GABRB1: variants seen among roughly 807,000 people sequenced by gnomAD.
GABRB1 encodes gamma-aminobutyric acid type A receptor subunit beta1.
Under a neutral mutation model 51.6 loss-of-function variants are expected in GABRB1, and 17 were observed. The observed-to-expected ratio is 0.33, with a 90% CI of 0.23 to 0.49. The LOEUF (loss-of-function observed/expected upper bound fraction) is 0.49, where lower values mean the gene tolerates loss of function less well. Ranked by LOEUF, GABRB1 falls within the 20% of genes least tolerant of loss-of-function variation. The pLI, the probability that GABRB1 is intolerant of heterozygous loss-of-function variation, is 0.99. For synonymous variants in GABRB1, 247 were observed against 218.9 expected (o/e 1.13, Z -1.14); for missense variants, 410 against 600.6 (o/e 0.68, Z 3.32).
chr4:47,263,389 T>C (rs1001613985), intron 4 of GABRB1, among the ~76,000 whole-genome samples: 1 of 151,908 alleles, frequency 6.6e-6, no homozygotes, highest in Admixed American at 6.6e-5. Context: ...TAAATATGAC[T>C]AGGGGAGAAG....
At chr4:47,334,662 A>G (rs1302477814) in intron 5 of GABRB1, among the ~76,000 whole-genome samples, 2 of 152,202 alleles carry the variant, frequency 1.3e-5, no homozygotes, top group African/African-American at 4.8e-5. Context: ...CAGAAACTAG[A>G]GATTTTTTAG....
intron 3 of GABRB1, among the ~76,000 whole-genome samples, chr4:47,131,837 T>C (rs1483208230): frequency 2.0e-5 from 3 of 152,184 alleles, no homozygotes; most frequent in Non-Finnish European, 4.4e-5. Flanking sequence ...TTCTTTCTAA[T>C]TGACAAGTAA....
At chr4:47,200,200 T>C (rs2109795726) in intron 4 of GABRB1, among the ~76,000 whole-genome samples, 1 of 152,178 alleles carries the variant, frequency 6.6e-6, no homozygotes, top group Non-Finnish European at 1.5e-5. Flanking sequence ...GGTCAAAACG[T>C]TGTTGGAATT....
chr4:47,125,951 T>A (rs1224614688), intron 3 of GABRB1, among the ~76,000 whole-genome samples: 1 of 149,654 alleles, frequency 6.7e-6, no homozygotes, highest in Non-Finnish European at 1.5e-5. Flanking sequence ...AATATATATA[T>A]AAATATATAT....
intron 3 of GABRB1, among the ~76,000 whole-genome samples, chr4:47,150,646 T>TAC (rs142996228): frequency 0.69 from 102,273 of 149,030 alleles, 35,346 homozygotes; most frequent in Middle Eastern, 0.83. Context: ...GCCACATATA[T>TAC]ATACACACAC....
At chr4:47,304,178 C>A (rs539839381) in intron 4 of GABRB1, among the ~76,000 whole-genome samples, 1 of 152,084 alleles carries the variant, frequency 6.6e-6, no homozygotes, top group Admixed American at 6.6e-5. Context: ...ATTGCAGGAT[C>A]ATATGGTAGT....
intron 4 of GABRB1, among the ~76,000 whole-genome samples, chr4:47,266,930 A>G (rs553513451): frequency 2.6e-5 from 4 of 152,108 alleles, no homozygotes; most frequent in African/African-American, 7.2e-5. Context: ...TCACAGGTCT[A>G]GTAGTGTTTA....
intron 3 of GABRB1, among the ~76,000 whole-genome samples, chr4:47,126,041 T>G (rs1455132796): frequency 1.3e-5 from 2 of 151,672 alleles, no homozygotes; most frequent in Non-Finnish European, 2.9e-5. Flanking sequence ...CACATATATA[T>G]GTATGTGTAT....
intron 5 of GABRB1, among the ~76,000 whole-genome samples, chr4:47,358,132 A>G (rs1726655681): frequency 1.3e-5 from 2 of 152,090 alleles, no homozygotes; most frequent in Non-Finnish European, 2.9e-5. Flanking sequence ...CTAACATTGA[A>G]CTCAGCAGTG....
chr4:47,160,886 A>T (rs1486218306), intron 3 of GABRB1, among the ~76,000 whole-genome samples: 1 of 152,004 alleles, frequency 6.6e-6, no homozygotes, highest in Non-Finnish European at 1.5e-5. Context: ...TCCTGGGCAC[A>T]AGAGATCCTG....
chr4:47,295,777 G>A (rs560921981), intron 4 of GABRB1, among the ~76,000 whole-genome samples: 7 of 152,214 alleles, frequency 4.6e-5, no homozygotes, highest in South Asian at 2.1e-4. Context: ...GATACTCCTC[G>A]AGAAGAGCAA....
At chr4:47,358,399 A>G (rs900631839) in intron 5 of GABRB1, among the ~76,000 whole-genome samples, 1 of 151,646 alleles carries the variant, frequency 6.6e-6, no homozygotes, top group Non-Finnish European at 1.5e-5. Flanking sequence ...GTATATATAT[A>G]TATATAGAGA....
chr4:47,048,825 A>C (rs186090667), intron 3 of GABRB1, among the ~76,000 whole-genome samples: 230 of 152,224 alleles, frequency 1.5e-3, no homozygotes, highest in Non-Finnish European at 2.3e-3. Context: ...TTATCCAACA[A>C]TAATTTCTTT....
At chr4:47,355,459 G>T (rs749666884) in intron 5 of GABRB1, among the ~76,000 whole-genome samples, 12 of 152,088 alleles carry the variant, frequency 7.9e-5, no homozygotes, top group East Asian at 1.9e-4. Flanking sequence ...TCAGAATGAA[G>T]GGACTCAGTT....
chr4:47,031,712 A>G lies in GABRB1; in HGVS notation c.61A>G (p.Met21Val), dbSNP rs1006750775. The G allele has an allele frequency of 1.9e-6, 3 of 1,613,590 alleles. No homozygotes were observed. The highest frequency in any genetic ancestry group is 1.7e-5 in the Admixed American group (1 of 60,014). ...GLLSFPVMIT[M>V]VCCAHSTNEP... ...TCTCTCTTTCCCTGTGATGATTACC[A>G]TGGTCTGTTGTGCACACAGGTGAGC... is the stretch of plus-strand genomic sequence containing the variant. The change falls in exon 1 of 9, where the codon ATG (methionine) becomes GTG (valine). Residue 21 changes from methionine (M) to valine (V), a missense_variant. Met to Val is a conservative substitution (Grantham distance 21). Around this residue, in one of 5 missense-constraint regions of GABRB1, gnomAD observed 56 missense variants for 54.8 expected, o/e 1.02. Coordinates refer to ENST00000295454, the MANE Select transcript of GABRB1 (RefSeq NM_000812.4).
chr4:47,422,844 A>G (rs887719460), intron 8 of GABRB1, among the ~76,000 whole-genome samples: 1 of 152,210 alleles, frequency 6.6e-6, no homozygotes, highest in East Asian at 1.9e-4. Flanking sequence ...GCCGATGACA[A>G]TATAATCTTT....
chr4:47,230,109 G>T (rs1721086119), intron 4 of GABRB1, among the ~76,000 whole-genome samples: 1 of 152,070 alleles, frequency 6.6e-6, no homozygotes, highest in Admixed American at 6.6e-5. Flanking sequence ...ACTTCTGATT[G>T]CTATAAAAAT....
At chr4:47,408,208 GA>G (rs538187612) in intron 8 of GABRB1, among the ~76,000 whole-genome samples, 397 of 152,326 alleles carry the variant, frequency 2.6e-3, no homozygotes, top group Non-Finnish European at 4.2e-3. Context: ...CATTTGATCT[GA>G]TACCTATGTA....
At chr4:47,225,522 T>C (rs1044157172) in intron 4 of GABRB1, among the ~76,000 whole-genome samples, 4 of 152,138 alleles carry the variant, frequency 2.6e-5, no homozygotes, top group Non-Finnish European at 5.9e-5. Context: ...CACAGATATC[T>C]CTTTTTTTAT....
Sources: allele counts gnomAD v4.1 joint callset (sites outside exome capture counted in the v4.1 genomes callset), GRCh38; gene constraint gnomAD v4.1.1; regional missense constraint gnomAD v4.1.1; transcripts MANE v1.5; gene names NCBI Gene and HGNC (gene_info 2026-07-23, HGNC 2026-07-21).